The following TAFA4 variants were observed in gnomAD, a reference collection of about 807,000 sequenced individuals.
TAFA4 encodes the protein chemokine-like protein TAFA-4.
A neutral mutation model predicts 21.1 loss-of-function variants in TAFA4; 20 were observed. The ratio of observed to expected loss-of-function variants is 0.95; its 90% CI spans 0.67 to 1.38. The LOEUF (loss-of-function observed/expected upper bound fraction) is 1.38, where lower values mean the gene tolerates loss of function less well. TAFA4 is among the 40% of genes most tolerant of loss of function. The pLI is 0.00. For missense variants in TAFA4, 211 were observed against 180.9 expected (o/e 1.17, Z -0.95); for synonymous variants, 71 against 67.4 (o/e 1.05, Z -0.26).
chr3:68,898,338 A>C (rs1436126804), intron 1 of TAFA4, among the ~76,000 whole-genome samples: 2 of 152,198 alleles, frequency 1.3e-5, no homozygotes. Flanking sequence ...GAATCAAATA[A>C]TCTGTTATAA....
rs866651428 is a variant in TAFA4, at chr3:68,831,182, A to G, written c.130+49548T>C. On this transcript the variant is annotated intron_variant, in intron 3 of 5. Transcript: ENST00000295569. ...GTCTTTTAATTGGGGCCTTTAGCCCATTACATTTAAGGTTAATATTGTTAT... is the reference window on the plus strand; with the variant it reads ...GTCTTTTAATTGGGGCCTTTAGCCCGTTACATTTAAGGTTAATATTGTTAT... 2.7e-4 allele frequency among the ~76,000 whole-genome samples: 41 copies of G among 152,072 alleles called. 1 individual carries two copies. Among genetic ancestry groups the G allele is most frequent in the Admixed American group, 2.5e-3 (38 of 15,248 alleles).
At chr3:68,793,085 C>T (rs534716251) in intron 3 of TAFA4, among the ~76,000 whole-genome samples, 1 of 152,190 alleles carries the variant, frequency 6.6e-6, no homozygotes, top group South Asian at 2.1e-4. Flanking sequence ...CGCAAAGCAT[C>T]TCAATTTTGG....
At chr3:68,783,669 C>G (rs201314200) in intron 3 of TAFA4, among the ~76,000 whole-genome samples, 17,972 of 103,796 alleles carry the variant, frequency 0.17, 2,146 homozygotes, top group Middle Eastern at 0.25. Context: ...CAGACACACA[C>G]ACACAGAGAG....
At chr3:68,733,318 C>A (rs1486631598) in intron 5 of TAFA4, among the ~76,000 whole-genome samples, 165 bp from the exon 6 acceptor site, 1 of 151,870 alleles carries the variant, frequency 6.6e-6, no homozygotes, top group Non-Finnish European at 1.5e-5. Context: ...GCTTTGCAGC[C>A]TAAAAGCAAG....
intron 3 of TAFA4, among the ~76,000 whole-genome samples, chr3:68,874,611 G>A (rs2089524865): frequency 6.6e-6 from 1 of 152,096 alleles, no homozygotes; most frequent in East Asian, 1.9e-4. Context: ...TCAAGGGTAA[G>A]GAGAATCTTT....
At chr3:68,906,801 G>T (rs147092546) in intron 1 of TAFA4, among the ~76,000 whole-genome samples, 3 of 152,036 alleles carry the variant, frequency 2.0e-5, no homozygotes, top group South Asian at 2.1e-4. Flanking sequence ...AGGCCGAGGC[G>T]GGTGGATCAC....
At chr3:68,781,656 A>T (rs1166320203) in intron 3 of TAFA4, among the ~76,000 whole-genome samples, 1 of 152,134 alleles carries the variant, frequency 6.6e-6, no homozygotes, top group Admixed American at 6.5e-5. Context: ...ATGTCTAAAG[A>T]CTTCATTGCT....
intron 3 of TAFA4, among the ~76,000 whole-genome samples, chr3:68,754,604 A>G (rs1575596220): frequency 6.6e-6 from 1 of 152,166 alleles, no homozygotes; most frequent in Admixed American, 6.5e-5. Flanking sequence ...TTAGGATGGT[A>G]TCTGTCAGGC....
chr3:68,749,662 A>C (rs1279053825), intron 4 of TAFA4, among the ~76,000 whole-genome samples: 1 of 152,214 alleles, frequency 6.6e-6, no homozygotes, highest in Admixed American at 6.5e-5. Flanking sequence ...TTTATTGAAC[A>C]CCGACTGTTT....
intron 3 of TAFA4, among the ~76,000 whole-genome samples, chr3:68,833,750 A>C (rs1217639915): frequency 6.6e-6 from 1 of 152,198 alleles, no homozygotes; most frequent in Non-Finnish European, 1.5e-5. Context: ...TTCATGGATA[A>C]GTTTTAAAAA....
chr3:68,749,400 A>G (rs552399784), intron 4 of TAFA4, among the ~76,000 whole-genome samples: 5 of 152,326 alleles, frequency 3.3e-5, no homozygotes, highest in African/African-American at 9.6e-5. Context: ...GGTAAATTTT[A>G]TATTTTAGAT....
chr3:68,908,958 C>CT (rs1282383391), intron 1 of TAFA4, among the ~76,000 whole-genome samples: 4 of 152,346 alleles, frequency 2.6e-5, no homozygotes, highest in African/African-American at 9.6e-5. Flanking sequence ...CACAATGAAA[C>CT]ATTCTCTATC....
intron 3 of TAFA4, among the ~76,000 whole-genome samples, chr3:68,768,501 T>C (rs1702897240): frequency 6.6e-6 from 1 of 152,168 alleles, no homozygotes; most frequent in Non-Finnish European, 1.5e-5. Context: ...TCAGTGGGAA[T>C]GCAAACTAGT....
At position 68,813,032 on chromosome 3, in the gene TAFA4, C is replaced by T. The variant is rs113959869; in HGVS notation, c.131-60014G>A. Among the ~76,000 whole-genome samples, 1,276 of 152,122 alleles carry T rather than the reference C, an allele frequency of 8.4e-3. 22 individuals carry two copies. Among genetic ancestry groups the T allele is most frequent in the African/African-American group, 0.029 (1,206 of 41,492 alleles). ...CAGGATTAAGAAACTCACTCAAAAC[C>T]GCTCAACTACATGGAAACTGAACAA... On this transcript the variant is annotated intron_variant, in intron 3 of 5. Transcript: ENST00000295569.
chr3:68,809,519 A>ATTTTT (rs200107940), intron 3 of TAFA4, among the ~76,000 whole-genome samples: 1 of 127,128 alleles, frequency 7.9e-6, no homozygotes, highest in Non-Finnish European at 1.6e-5. Flanking sequence ...CACTATGTTG[A>ATTTTT]TTTTTTTTTT....
chr3:68,921,711 G>A (rs77751129), intron 1 of TAFA4, among the ~76,000 whole-genome samples: 3,165 of 152,188 alleles, frequency 0.021, 51 homozygotes, highest in Middle Eastern at 0.054. Context: ...GAACAAAAAC[G>A]GAATTCCTGT....
intron 1 of TAFA4, among the ~76,000 whole-genome samples, chr3:68,887,455 T>C (rs2089684502): frequency 1.3e-5 from 2 of 151,774 alleles, no homozygotes; most frequent in Non-Finnish European, 2.9e-5. Context: ...ATTTCGGGAG[T>C]CTCTGGGGTA....
chr3:68,904,592 G>A (rs1484763262), intron 1 of TAFA4, among the ~76,000 whole-genome samples: 1 of 152,188 alleles, frequency 6.6e-6, no homozygotes, highest in East Asian at 1.9e-4. Context: ...GGGGTCTTAG[G>A]GTAGGTTTTC....
chr3:68,920,240 A>T (rs1212293937), intron 1 of TAFA4, among the ~76,000 whole-genome samples: 1 of 152,254 alleles, frequency 6.6e-6, no homozygotes, highest in Non-Finnish European at 1.5e-5. Context: ...AAAAAAATAC[A>T]AACTATAGAA....
Sources: allele counts gnomAD v4.1 joint callset (sites outside exome capture counted in the v4.1 genomes callset), GRCh38; gene constraint gnomAD v4.1.1; transcripts MANE v1.5; gene names NCBI Gene and HGNC (gene_info 2026-07-23, HGNC 2026-07-21).